The following GPC6 variants were observed in gnomAD, a reference collection of about 807,000 sequenced individuals.
GPC6 encodes the protein glypican-6.
Under a neutral mutation model 55.2 loss-of-function variants are expected in GPC6, and 14 were observed. The observed-to-expected ratio is 0.25, with a 90% CI of 0.17 to 0.40. GPC6 has a LOEUF of 0.40. Ranked by LOEUF, GPC6 falls within the 10% of genes least tolerant of loss-of-function variation. The probability of loss-of-function intolerance (pLI) is 1.00; values close to 1 mark genes in which losing one functional copy is unlikely to be tolerated. For synonymous variants in GPC6, 278 were observed against 259.6 expected (o/e 1.07, Z -0.68); for missense variants, 641 against 708.5 (o/e 0.90, Z 1.08).
intron 1 of GPC6, among the ~76,000 whole-genome samples, chr13:93,236,555 C>T (rs1322105101): frequency 3.3e-5 from 5 of 152,148 alleles, no homozygotes; most frequent in South Asian, 2.1e-4. Flanking sequence ...GAATCAGCAG[C>T]GGCATTAGCT....
intron 1 of GPC6, among the ~76,000 whole-genome samples, chr13:93,278,059 A>G (rs1877817247): frequency 6.6e-6 from 1 of 152,172 alleles, no homozygotes; most frequent in Admixed American, 6.5e-5. Context: ...TTCAACAGTA[A>G]TAATTTGCTG....
chr13:93,305,970 T>G (rs1878843834), intron 1 of GPC6, among the ~76,000 whole-genome samples: 1 of 152,162 alleles, frequency 6.6e-6, no homozygotes, highest in Admixed American at 6.5e-5. Flanking sequence ...ACCAAAAGAT[T>G]AAGGTAGTTT....
At chr13:94,231,294 A>G (rs777324962) in intron 4 of GPC6, among the ~76,000 whole-genome samples, 1 of 152,308 alleles carries the variant, frequency 6.6e-6, no homozygotes, top group Non-Finnish European at 1.5e-5. Context: ...CTGTGAAGCC[A>G]AGGAGAATCC....
intron 2 of GPC6, among the ~76,000 whole-genome samples, chr13:93,747,257 A>G (rs4773759): frequency 0.92 from 139,830 of 152,236 alleles, 64,360 homozygotes; most frequent in Admixed American, 0.96. Flanking sequence ...CAGTGGCACC[A>G]GGATGTTAAA....
At chr13:94,211,354 T>C (rs989207063) in intron 4 of GPC6, among the ~76,000 whole-genome samples, 18 of 152,322 alleles carry the variant, frequency 1.2e-4, no homozygotes, top group African/African-American at 4.1e-4. Context: ...TGAAGATTTA[T>C]GTATCAGGAA....
rs56870429 is a variant in GPC6, at chr13:94,076,960, GTTTTTT to G, written c.877+49079_877+49084del. 6.6e-3 allele frequency among the ~76,000 whole-genome samples: 833 copies of G among 126,104 alleles called. 11 individuals carry two copies. The highest frequency in any genetic ancestry group is 0.023 in the African/African-American group (803 of 34,650). The allele number at this position is 126,104 out of a possible 152,430, so 82.7% of individuals were successfully genotyped here. A position where few individuals can be genotyped will look rare whatever the true frequency, so the allele number is the denominator to read the frequency against. ...TCCTCAAGATCACTCTGGTGCTTCT[GTTTTTT>G]TTTTTTTTTTTTGTGGCTTTATATG... On this transcript the variant is annotated intron_variant, in intron 4 of 8. Coordinates refer to ENST00000377047, the MANE Select transcript of GPC6 (RefSeq NM_005708.5).
chr13:94,377,325 C>A (rs1396432430), intron 6 of GPC6, among the ~76,000 whole-genome samples: 2 of 103,358 alleles, frequency 1.9e-5, no homozygotes, highest in Non-Finnish European at 4.0e-5. Context: ...CCAGAATCTA[C>A]AATGAACTCA....
intron 2 of GPC6, among the ~76,000 whole-genome samples, chr13:93,608,090 T>C (rs1452457371): frequency 1.3e-5 from 2 of 152,212 alleles, no homozygotes; most frequent in Non-Finnish European, 2.9e-5. Flanking sequence ...CAATTTTCAA[T>C]GAGCTTGACT....
intron 2 of GPC6, among the ~76,000 whole-genome samples, chr13:93,712,928 T>TA (rs1178121949): frequency 6.6e-6 from 1 of 151,444 alleles, no homozygotes; most frequent in Non-Finnish European, 1.5e-5. Context: ...AGCCGCATTT[T>TA]AAAAAAATTT....
chr13:94,030,071 C>A (rs921089870), intron 4 of GPC6, among the ~76,000 whole-genome samples: 9 of 150,476 alleles, frequency 6.0e-5, no homozygotes, highest in African/African-American at 2.0e-4. Flanking sequence ...GGCACGATCT[C>A]GGCTCACTGC....
intron 4 of GPC6, among the ~76,000 whole-genome samples, chr13:94,251,045 A>G (rs773456382): frequency 3.5e-4 from 53 of 152,090 alleles, no homozygotes; most frequent in Non-Finnish European, 6.9e-4. Context: ...TAGCAAAGAC[A>G]TGGAACCAAC....
chr13:94,342,535 A>G (rs1041221799), intron 6 of GPC6, among the ~76,000 whole-genome samples: 5 of 152,220 alleles, frequency 3.3e-5, no homozygotes, highest in Non-Finnish European at 5.9e-5. Flanking sequence ...CTGAACCTCC[A>G]GAAAGAACCA....
chr13:94,370,525 G>C (rs766895019), intron 6 of GPC6, among the ~76,000 whole-genome samples: 1 of 152,148 alleles, frequency 6.6e-6, no homozygotes, highest in Non-Finnish European at 1.5e-5. Flanking sequence ...TTTAATGAAG[G>C]AATACTAGCC....
intron 2 of GPC6, among the ~76,000 whole-genome samples, chr13:93,583,358 G>A (rs183799902): frequency 0.012 from 1,853 of 151,124 alleles, 37 homozygotes; most frequent in African/African-American, 0.043. Context: ...GTGTGTGCGC[G>A]CGCGCGTGCG....
intron 3 of GPC6, among the ~76,000 whole-genome samples, chr13:94,005,384 T>C (rs1261633966): frequency 2.0e-5 from 3 of 152,200 alleles, no homozygotes; most frequent in Non-Finnish European, 4.4e-5. Context: ...AATAGTAGCC[T>C]CTTTGAAATC....
chr13:93,561,452 C>G (rs1237357287), intron 2 of GPC6, among the ~76,000 whole-genome samples: 5 of 110,896 alleles, frequency 4.5e-5, no homozygotes, highest in Non-Finnish European at 7.8e-5. Flanking sequence ...TATTCTAATA[C>G]TGTTTTCTTT....
chr13:93,922,307 C>G (rs1323396482), intron 3 of GPC6, among the ~76,000 whole-genome samples: 1 of 152,072 alleles, frequency 6.6e-6, no homozygotes, highest in African/African-American at 2.4e-5. Context: ...TATGTATCCT[C>G]TTAACAACGG....
chr13:94,018,352 C>T (rs990607747), intron 3 of GPC6, among the ~76,000 whole-genome samples: 6 of 150,994 alleles, frequency 4.0e-5, no homozygotes, highest in Admixed American at 6.6e-5. Flanking sequence ...TGCAGTGGTG[C>T]GATCTCCGCT....
At chr13:93,724,165 A>G (rs1883547214) in intron 2 of GPC6, among the ~76,000 whole-genome samples, 1 of 151,972 alleles carries the variant, frequency 6.6e-6, no homozygotes, top group Non-Finnish European at 1.5e-5. Flanking sequence ...TGCTAGCTTC[A>G]GATTCCCTGA....
Sources: gnomAD v4.1 joint callset for allele counts (sites outside exome capture counted in the v4.1 genomes callset) on GRCh38, gnomAD v4.1.1 for gene constraint, MANE v1.5 for transcripts, NCBI Gene and HGNC (gene_info 2026-07-23, HGNC 2026-07-21) for gene names.